FAT3: variants seen among roughly 807,000 people sequenced by gnomAD.
FAT3 encodes the protein FAT atypical cadherin 3, also known as protocadherin Fat 3.
FAT3 carries 95 observed loss-of-function variants against 310.2 expected under a neutral mutation model. The observed-to-expected ratio is 0.31, with a 90% CI of 0.26 to 0.36. The LOEUF is 0.36. Ranked by LOEUF, FAT3 falls within the 10% of genes least tolerant of loss-of-function variation. The pLI is 1.00. For synonymous variants in FAT3, 2,314 were observed against 2,192.9 expected (o/e 1.06, Z -1.54); for missense variants, 5,408 against 5,715.6 (o/e 0.95, Z 1.74).
chr11:92,751,487 G>C (rs1192867041), intron 4 of FAT3, among the ~76,000 whole-genome samples: 1 of 152,160 alleles, frequency 6.6e-6, no homozygotes. Context: ...TTTTGTGAGA[G>C]GGAGCTGATG....
chr11:92,390,921 A>G (rs1267882384), intron 2 of FAT3, among the ~76,000 whole-genome samples: 2 of 152,178 alleles, frequency 1.3e-5, no homozygotes, highest in Non-Finnish European at 1.5e-5. Context: ...CATTCTGGCA[A>G]AAGAGCCTTT....
In FAT3 at chr11:92,798,389, T is replaced by C. The variant is rs1947233914; in HGVS notation, c.5376T>C (p.Asp1792=). ...APINSIVRSL[D]NSPLVIRATD... Reference sequence around the variant, plus strand: ...TTAATAGCATTGTCAGGAGCTTGGATAACAGCCCACTGGTGATTCGAGCCA... The same window carrying C: ...TTAATAGCATTGTCAGGAGCTTGGACAACAGCCCACTGGTGATTCGAGCCA... Residue 1792 remains aspartate, a synonymous_variant, in exon 10 of 28, where the codon GAT becomes GAC. Coordinates refer to ENST00000525166, the MANE Select transcript of FAT3 (RefSeq NM_001367949.2). The C allele has an allele frequency of 1.2e-6, 2 of 1,613,222 alleles. No individual in the cohort carries two copies. Among genetic ancestry groups the C allele is most frequent in the African/African-American group, 1.3e-5 (1 of 75,028 alleles).
At chr11:92,256,933 T>C (rs1865340700) in intron 1 of FAT3, among the ~76,000 whole-genome samples, 1 of 152,134 alleles carries the variant, frequency 6.6e-6, no homozygotes, top group Non-Finnish European at 1.5e-5. Flanking sequence ...TCTCAGCTGT[T>C]GGGAAGCTTG....
chr11:92,792,413 A>C (rs545296093), intron 8 of FAT3, among the ~76,000 whole-genome samples: 34 of 152,234 alleles, frequency 2.2e-4, no homozygotes, highest in African/African-American at 8.2e-4. Flanking sequence ...TCTACCCACT[A>C]TTCTGTTATC....
At chr11:92,827,426 C>A (rs996165033) in intron 13 of FAT3, among the ~76,000 whole-genome samples, 38 of 152,158 alleles carry the variant, frequency 2.5e-4, no homozygotes, top group African/African-American at 8.7e-4. Flanking sequence ...TAATCTTAGA[C>A]CTCAACTGAC....
intron 3 of FAT3, among the ~76,000 whole-genome samples, chr11:92,600,297 G>C (rs1342294112): frequency 1.3e-5 from 2 of 152,148 alleles, no homozygotes; most frequent in African/African-American, 4.8e-5. Context: ...CCTTTCCTCT[G>C]AGTTAAGTGC....
chr11:92,641,025 T>C (rs1236557936), intron 3 of FAT3, among the ~76,000 whole-genome samples: 6 of 152,188 alleles, frequency 3.9e-5, no homozygotes, highest in Non-Finnish European at 1.5e-5. Flanking sequence ...GGTGAAACCC[T>C]GTCTCAACAA....
At chr11:92,400,740 A>G (rs962641726) in intron 2 of FAT3, 1 of 152,130 alleles carries the variant, frequency 6.6e-6, no homozygotes, top group East Asian at 1.9e-4. Flanking sequence ...AAAATTAAAT[A>G]TAATACATAA....
At chr11:92,367,145 C>T (rs988280023) in intron 2 of FAT3, 8 of 396,352 alleles carry the variant, frequency 2.0e-5, no homozygotes, top group South Asian at 4.3e-5. Context: ...TTTGCCTTCT[C>T]GTGGCCTGCT....
At chr11:92,356,424 A>G (rs1372037207) in intron 2 of FAT3, among the ~76,000 whole-genome samples, 3 of 152,228 alleles carry the variant, frequency 2.0e-5, no homozygotes, top group African/African-American at 7.2e-5. Context: ...TCAAGCTGCT[A>G]TAGCAAAATA....
At chr11:92,640,437 C>T (rs1167042474) in intron 3 of FAT3, among the ~76,000 whole-genome samples, 2 of 152,182 alleles carry the variant, frequency 1.3e-5, no homozygotes, top group Admixed American at 6.5e-5. Flanking sequence ...ACAGCTTAGC[C>T]TGGTGCCTGA....
chr11:92,357,911 G>A lies in FAT3; in HGVS notation c.3292+2507G>A, dbSNP rs551425389. ...TGGTCAGTCATGGTAGCCTATGCCTGTAATTCTAGCACTTTGGGAGGCCAA... is the reference window on the plus strand; with the variant it reads ...TGGTCAGTCATGGTAGCCTATGCCTATAATTCTAGCACTTTGGGAGGCCAA... On this transcript the variant is annotated intron_variant, in intron 2 of 27. Coordinates refer to ENST00000525166, the MANE Select transcript of FAT3 (RefSeq NM_001367949.2). Among the ~76,000 whole-genome samples the A allele has an allele frequency of 6.6e-5, 10 of 151,726 alleles. 1 individual carries two copies. In the South Asian group the frequency reaches 2.1e-3, roughly 32 times the overall value.
At chr11:92,284,131 A>C (rs1257813363) in intron 1 of FAT3, among the ~76,000 whole-genome samples, 1 of 152,084 alleles carries the variant, frequency 6.6e-6, no homozygotes, top group Non-Finnish European at 1.5e-5. Flanking sequence ...CTAGGTGCAG[A>C]ATAAAGTGCA....
At chr11:92,420,153 C>G (rs995740315) in intron 2 of FAT3, among the ~76,000 whole-genome samples, 2 of 152,172 alleles carry the variant, frequency 1.3e-5, no homozygotes, top group African/African-American at 4.8e-5. Context: ...GTAGTTGGCA[C>G]AGAGACCATC....
At chr11:92,722,167 G>A (rs892130583) in intron 4 of FAT3, among the ~76,000 whole-genome samples, 1 of 152,160 alleles carries the variant, frequency 6.6e-6, no homozygotes, top group African/African-American at 2.4e-5. Flanking sequence ...CTATGAGCCT[G>A]TAAAATCAAA....
intron 1 of FAT3, among the ~76,000 whole-genome samples, chr11:92,228,045 C>A (rs558255182): frequency 1.3e-5 from 2 of 152,130 alleles, no homozygotes; most frequent in African/African-American, 4.8e-5. Flanking sequence ...GATGCTGGGG[C>A]CAGTTTCTGT....
At chr11:92,727,265 T>C (rs1217528574) in intron 4 of FAT3, among the ~76,000 whole-genome samples, 1 of 152,084 alleles carries the variant, frequency 6.6e-6, no homozygotes, top group Non-Finnish European at 1.5e-5. Flanking sequence ...AGCTGGATAA[T>C]CAAAGACTTA....
intron 1 of FAT3, among the ~76,000 whole-genome samples, chr11:92,344,809 G>A (rs1204127391): frequency 6.6e-6 from 1 of 152,084 alleles, no homozygotes; most frequent in Non-Finnish European, 1.5e-5. Context: ...GATGGCAATC[G>A]GGTTTGGTTT....
At chr11:92,482,618 A>G (rs1952260683) in intron 2 of FAT3, among the ~76,000 whole-genome samples, 1 of 152,066 alleles carries the variant, frequency 6.6e-6, no homozygotes, top group East Asian at 1.9e-4. Context: ...CTCCATCCAC[A>G]TGCTTTCTCT....
Sources: allele counts gnomAD v4.1 joint callset (sites outside exome capture counted in the v4.1 genomes callset), GRCh38; gene constraint gnomAD v4.1.1; transcripts MANE v1.5; gene names NCBI Gene and HGNC (gene_info 2026-07-23, HGNC 2026-07-21).